CDYL: variants seen among roughly 807,000 people sequenced by gnomAD.
CDYL encodes chromodomain Y-like protein.
Under a neutral mutation model 47.3 loss-of-function variants are expected in CDYL, and 8 were observed. That is an observed-to-expected ratio of 0.17 (90% confidence interval 0.10 to 0.31). CDYL has a LOEUF of 0.31. Ranked by LOEUF, CDYL falls within the 10% of genes least tolerant of loss-of-function variation. The pLI, the probability that CDYL is intolerant of heterozygous loss-of-function variation, is 1.00. For missense variants in CDYL, 471 were observed against 701.4 expected, an observed-to-expected ratio of 0.67 and a Z score of 3.71; for synonymous variants, 266 against 265.0, an observed-to-expected ratio of 1.00 and a Z score of -0.04.
chr6:4,916,137 C>T (rs548470729), intron 2 of CDYL, among the ~76,000 whole-genome samples: 21 of 152,302 alleles, frequency 1.4e-4, no homozygotes, highest in Non-Finnish European at 2.8e-4. Flanking sequence ...TGTAACCCAG[C>T]CACCTTGGCA....
At chr6:4,868,308 C>T (rs1341128493) in intron 1 of CDYL, among the ~76,000 whole-genome samples, 1 of 151,854 alleles carries the variant, frequency 6.6e-6, no homozygotes, top group East Asian at 1.9e-4. Context: ...CTTTCATTTT[C>T]ATTCAATTCT....
intron 1 of CDYL, among the ~76,000 whole-genome samples, chr6:4,836,643 A>G (rs761790204): frequency 5.3e-4 from 81 of 152,324 alleles, no homozygotes; most frequent in Admixed American, 2.2e-3. Context: ...CCTTATTTCT[A>G]TGCTGACCAC....
intron 2 of CDYL, among the ~76,000 whole-genome samples, chr6:4,926,633 T>G (rs1757881881): frequency 1.3e-5 from 2 of 152,224 alleles, no homozygotes; most frequent in Non-Finnish European, 1.5e-5. Context: ...TAGTTTCAAG[T>G]GGTTTCTTGA....
At position 4,953,998 on chromosome 6, in the gene CDYL, C is replaced by T. The variant is rs775840808; in HGVS notation, c.1577C>T (p.Ser526Leu). ...GAGGTGCTGAAGAAAATCTGGGGCTCGGCCCAGGGGATGGACTCCATGTTA... is the reference window on the plus strand; with the variant it reads ...GAGGTGCTGAAGAAAATCTGGGGCTTGGCCCAGGGGATGGACTCCATGTTA... The part of the protein sequence containing the change: ...ECEVLKKIWG[S>L]AQGMDSMLKY... The change falls in exon 7 of 7, where the codon TCG (serine) becomes TTG (leucine). Residue 526 changes from serine to leucine, a missense_variant. Transcript: ENST00000397588. 1 of 1,614,006 alleles carries T rather than the reference C, an allele frequency of 6.2e-7. No individual in the cohort carries two copies. Among genetic ancestry groups the T allele is most frequent in the Non-Finnish European group, 8.5e-7 (1 of 1,179,982 alleles).
intron 2 of CDYL, among the ~76,000 whole-genome samples, chr6:4,900,815 A>C (rs879626940): frequency 1.0e-4 from 9 of 89,364 alleles, no homozygotes; most frequent in African/African-American, 3.7e-4. Context: ...ATATATATAT[A>C]TATATATATA....
chr6:4,859,663 A>G (rs1219759424), intron 1 of CDYL, among the ~76,000 whole-genome samples: 1 of 152,190 alleles, frequency 6.6e-6, no homozygotes, highest in Non-Finnish European at 1.5e-5. Flanking sequence ...ACTCTGCCTT[A>G]CTTAGGAGAT....
chr6:4,713,674 G>A (rs1341231586), intron 1 of CDYL, among the ~76,000 whole-genome samples: 2 of 149,746 alleles, frequency 1.3e-5, no homozygotes, highest in Non-Finnish European at 2.9e-5. Context: ...TGCAGCCTCT[G>A]CCTCCTGGGT....
chr6:4,953,384 A>C (rs1451579181), intron 6 of CDYL, among the ~76,000 whole-genome samples: 2 of 149,114 alleles, frequency 1.3e-5, no homozygotes, highest in African/African-American at 2.4e-5. Flanking sequence ...ACCCTGTGTC[A>C]AAAAAAAAAC....
At chr6:4,753,671 A>G (rs1409355932) in intron 3 of CDYL, among the ~76,000 whole-genome samples, 5 of 152,174 alleles carry the variant, frequency 3.3e-5, no homozygotes, top group Non-Finnish European at 7.4e-5. Context: ...TAAGAAATGC[A>G]TTATTATATT....
chr6:4,924,707 G>A (rs1757814376), intron 2 of CDYL, among the ~76,000 whole-genome samples: 1 of 152,136 alleles, frequency 6.6e-6, no homozygotes. Flanking sequence ...ACCAAAAAAT[G>A]AACGACTTCG....
intron 4 of CDYL, among the ~76,000 whole-genome samples, chr6:4,940,060 G>A (rs949696025): frequency 6.6e-6 from 1 of 152,160 alleles, no homozygotes; most frequent in Non-Finnish European, 1.5e-5. Flanking sequence ...GTGGCGCTGG[G>A]ATCAGTAAAA....
chr6:4,952,221 G>T, intron 5 of CDYL, 45 bp from the exon 6 acceptor site: 1 of 1,590,536 alleles, frequency 6.3e-7, no homozygotes, highest in Non-Finnish European at 8.6e-7. Flanking sequence ...TTCCCCGCCC[G>T]CCTCCCACCG....
At chr6:4,787,580 T>C (rs1371020483) in intron 1 of CDYL, among the ~76,000 whole-genome samples, 1 of 152,094 alleles carries the variant, frequency 6.6e-6, no homozygotes, top group Non-Finnish European at 1.5e-5. Context: ...AGTTCAGTGC[T>C]GAGACCAGAC....
At position 4,907,984 on chromosome 6, in the gene CDYL, A is replaced by G. The variant is rs756471452; in HGVS notation, c.691+15605A>G. Among the ~76,000 whole-genome samples, 33 of 152,044 alleles carry G rather than the reference A, an allele frequency of 2.2e-4. 2 individuals carry two copies. The highest frequency in any genetic ancestry group is 3.4e-3 in the Middle Eastern group (1 of 294). ...TGAGCTCCGTGTTCTCTACCACCCC[A>G]CTTGGTGCCCATAAGGAAAGAGACA... On this transcript the variant is annotated intron_variant, in intron 2 of 6. Coordinates refer to ENST00000397588, the MANE Select transcript of CDYL (RefSeq NM_004824.4).
At chr6:4,789,469 T>C (rs1758858184) in intron 1 of CDYL, among the ~76,000 whole-genome samples, 1 of 152,116 alleles carries the variant, frequency 6.6e-6, no homozygotes, top group Non-Finnish European at 1.5e-5. Context: ...CGGTTTTATT[T>C]CTGTTTCCCT....
chr6:4,769,769 T>A (rs991147195), intron 3 of CDYL, among the ~76,000 whole-genome samples: 1 of 152,154 alleles, frequency 6.6e-6, no homozygotes, highest in African/African-American at 2.4e-5. Flanking sequence ...CTTTGATTGG[T>A]AGTTAAGACT....
chr6:4,774,823 A>T (rs1213773323), upstream of CDYL: 3 of 152,288 alleles, frequency 2.0e-5, no homozygotes, highest in Non-Finnish European at 4.4e-5. Flanking sequence ...TTGAAGAGGG[A>T]GTTACCGATT....
chr6:4,818,531 A>G (rs1759736274), intron 1 of CDYL, among the ~76,000 whole-genome samples: 1 of 152,100 alleles, frequency 6.6e-6, no homozygotes, highest in South Asian at 2.1e-4. Flanking sequence ...TGAGTCTGAG[A>G]TTGGAGATGT....
At chr6:4,936,589 G>A (rs932248373) in intron 3 of CDYL, among the ~76,000 whole-genome samples, 2 of 152,188 alleles carry the variant, frequency 1.3e-5, no homozygotes, top group African/African-American at 4.8e-5. Flanking sequence ...GCTTCACAGA[G>A]ATCATTTAAA....
Sources: allele counts gnomAD v4.1 joint callset (sites outside exome capture counted in the v4.1 genomes callset), GRCh38; gene constraint gnomAD v4.1.1; transcripts MANE v1.5; gene names NCBI Gene and HGNC (gene_info 2026-07-23, HGNC 2026-07-21).